Variants in EPHA6 observed in about 807,000 individuals in gnomAD.
EPHA6 encodes the protein EPH receptor A6.
Under a neutral mutation model 112.0 loss-of-function variants are expected in EPHA6, and 50 were observed. That is an observed-to-expected ratio of 0.45 (90% CI 0.36 to 0.56). The LOEUF (loss-of-function observed/expected upper bound fraction) is 0.56. Among genes scored for constraint, EPHA6 ranks in the 20% least tolerant of loss-of-function variants. The pLI, the probability that EPHA6 is intolerant of heterozygous loss-of-function variation, is 0.00. For synonymous variants in EPHA6, 529 were observed against 490.7 expected (o/e 1.08, Z -1.03); for missense variants, 1,280 against 1,417.4 (o/e 0.90, Z 1.56).
chr3:96,863,105 C>T lies in EPHA6; in HGVS notation c.386-3720C>T, dbSNP rs1266083856. Among the ~76,000 whole-genome samples, 7 of 151,924 alleles carry T rather than the reference C, an allele frequency of 4.6e-5. No homozygotes were observed. The East Asian group carries it at 9.7e-4, about 21-fold the overall frequency. On this transcript the variant is annotated intron_variant, in intron 1 of 17. Coordinates refer to ENST00000389672, the MANE Select transcript of EPHA6 (RefSeq NM_001080448.3). ...CTATTTTTTTTGTTTTATTCAATTT[C>T]TCAATTTATGCTATGAATAAATAAT...
chr3:97,344,070 T>G (rs2083431793), intron 5 of EPHA6, among the ~76,000 whole-genome samples: 1 of 152,176 alleles, frequency 6.6e-6, no homozygotes, highest in Admixed American at 6.5e-5. Context: ...CATAACTTGT[T>G]TTGTTTCACA....
At chr3:96,878,540 A>T (rs140866792) in intron 2 of EPHA6, among the ~76,000 whole-genome samples, 1 of 152,100 alleles carries the variant, frequency 6.6e-6, no homozygotes, top group Admixed American at 6.6e-5. Flanking sequence ...GAAAAATTCA[A>T]CCCAAGCACA....
At chr3:97,060,763 AAATAAT>A (rs1363643557) in intron 3 of EPHA6, among the ~76,000 whole-genome samples, 1 of 151,374 alleles carries the variant, frequency 6.6e-6, no homozygotes, top group Non-Finnish European at 1.5e-5. Context: ...TACAAAAAAA[AAATAAT>A]AATAATTAGC....
chr3:97,655,413 G>A (rs566770285), intron 14 of EPHA6, among the ~76,000 whole-genome samples: 8 of 151,726 alleles, frequency 5.3e-5, no homozygotes, highest in East Asian at 2.0e-4. Flanking sequence ...AATGGATATC[G>A]GCAGTTGAAA....
intron 14 of EPHA6, among the ~76,000 whole-genome samples, chr3:97,708,820 C>T (rs1400323911): frequency 6.6e-6 from 1 of 152,224 alleles, no homozygotes; most frequent in Non-Finnish European, 1.5e-5. Context: ...GGCCAAGGTA[C>T]AGCTCGGGCC....
chr3:97,324,143 TCTTC>T (rs773843344), intron 5 of EPHA6, among the ~76,000 whole-genome samples: 5 of 151,988 alleles, frequency 3.3e-5, no homozygotes, highest in Non-Finnish European at 5.9e-5. Context: ...TATGATTGCT[TCTTC>T]CTTTTATGCT....
At chr3:97,287,047 C>T (rs1360138380) in intron 5 of EPHA6, among the ~76,000 whole-genome samples, 4 of 148,870 alleles carry the variant, frequency 2.7e-5, no homozygotes, top group Non-Finnish European at 5.9e-5. Context: ...TCTGCTAGTT[C>T]ATTATTAGTG....
intron 3 of EPHA6, among the ~76,000 whole-genome samples, chr3:97,064,454 C>T (rs896152547): frequency 3.9e-5 from 6 of 152,100 alleles, no homozygotes; most frequent in African/African-American, 1.2e-4. Flanking sequence ...CATATTAATG[C>T]ACAGTGTTTG....
chr3:97,632,862 A>G (rs140963856), intron 13 of EPHA6, among the ~76,000 whole-genome samples: 76 of 152,216 alleles, frequency 5.0e-4, no homozygotes, highest in African/African-American at 1.4e-3. Context: ...AGTGTTTAAA[A>G]CAAGTCACAG....
intron 4 of EPHA6, among the ~76,000 whole-genome samples, chr3:97,239,839 G>A (rs1182418590): frequency 6.6e-6 from 1 of 151,858 alleles, no homozygotes; most frequent in African/African-American, 2.4e-5. Flanking sequence ...AGTTCAAAAT[G>A]CATGTTGTTC....
intron 14 of EPHA6, among the ~76,000 whole-genome samples, chr3:97,656,482 T>G (rs2094138459): frequency 6.6e-6 from 1 of 151,914 alleles, no homozygotes; most frequent in Non-Finnish European, 1.5e-5. Flanking sequence ...GATCTGAAGC[T>G]AGAGAAAATG....
chr3:97,113,996 C>T (rs1484275679), intron 3 of EPHA6, among the ~76,000 whole-genome samples: 1 of 152,036 alleles, frequency 6.6e-6, no homozygotes, highest in East Asian at 1.9e-4. Context: ...CTTGGGGTAT[C>T]TTGGGATAGA....
At chr3:97,611,714 T>C (rs1341248358) in intron 13 of EPHA6, among the ~76,000 whole-genome samples, 2 of 151,926 alleles carry the variant, frequency 1.3e-5, no homozygotes, top group Non-Finnish European at 2.9e-5. Context: ...ACTATTTTTC[T>C]CACTTACAAA....
intron 5 of EPHA6, among the ~76,000 whole-genome samples, chr3:97,365,981 C>T (rs1336115630): frequency 6.6e-6 from 1 of 152,156 alleles, no homozygotes; most frequent in Non-Finnish European, 1.5e-5. Context: ...TTAACTGCTA[C>T]AATTCGGATT....
intron 2 of EPHA6, among the ~76,000 whole-genome samples, chr3:96,897,242 ATACT>A (rs1300675751): frequency 1.3e-5 from 2 of 151,186 alleles, no homozygotes; most frequent in African/African-American, 4.9e-5. Context: ...ACACACACAC[ATACT>A]GTTTATCAAG....
At chr3:97,197,048 T>C (rs2077459932) in intron 3 of EPHA6, among the ~76,000 whole-genome samples, 1 of 151,994 alleles carries the variant, frequency 6.6e-6, no homozygotes, top group Non-Finnish European at 1.5e-5. Flanking sequence ...CAGCCAGGCC[T>C]GTATTCTTCC....
intron 10 of EPHA6, among the ~76,000 whole-genome samples, chr3:97,509,786 A>G (rs1174654174): frequency 6.6e-6 from 1 of 152,166 alleles, no homozygotes; most frequent in African/African-American, 2.4e-5. Flanking sequence ...AGTGTTTTCA[A>G]GCTTGGTTCC....
At position 97,760,491 on chromosome 3, in the gene EPHA6, T is replaced by C. The variant is rs1440418797; in HGVS notation, c.*11790T>C. 1 of 177,088 alleles carries C rather than the reference T, an allele frequency of 5.6e-6. No individual in the cohort carries two copies. Among genetic ancestry groups the C allele is most frequent in the Non-Finnish European group, 1.2e-5 (1 of 82,428 alleles). 11.0% of individuals were successfully genotyped at this position (177,088 alleles called of 1,614,324 possible). Reference sequence around the variant, plus strand: ...TATTTGGATTTGATGTGAAATTAGATTGTGAATAATGGAGATTGCTCTCCA... The same window carrying C: ...TATTTGGATTTGATGTGAAATTAGACTGTGAATAATGGAGATTGCTCTCCA... On this transcript the variant is annotated 3_prime_UTR_variant, in exon 18 of 18. Transcript: ENST00000389672.
rs1318564439 is a variant in EPHA6 at position 97,244,058 on chromosome 3, C to T, written c.1377C>T (p.Tyr459=). 2 of 1,612,772 alleles carry T rather than the reference C, an allele frequency of 1.2e-6. No homozygotes were observed. The highest frequency in any genetic ancestry group is 2.2e-5 in the East Asian group (1 of 44,848). ...SDTGGRKDLT[Y]SVICKKCGLD... ...CAGGAGGGAGAAAAGATCTCACATACAGTGTAATCTGTAAGAAATGTGGCT... is the reference window on the plus strand; with the variant it reads ...CAGGAGGGAGAAAAGATCTCACATATAGTGTAATCTGTAAGAAATGTGGCT... Residue 459 remains tyrosine (Y), a synonymous_variant, in exon 5 of 18, where the codon TAC becomes TAT. Coordinates refer to ENST00000389672, the MANE Select transcript of EPHA6 (RefSeq NM_001080448.3).
Sources: gnomAD v4.1 joint callset for allele counts (sites outside exome capture counted in the v4.1 genomes callset) on GRCh38, gnomAD v4.1.1 for gene constraint, MANE v1.5 for transcripts, NCBI Gene and HGNC (gene_info 2026-07-23, HGNC 2026-07-21) for gene names.